NECTIN2: variants seen among roughly 807,000 people sequenced by gnomAD.
NECTIN2 encodes the protein nectin-2.
In NECTIN2, 23 loss-of-function variants were observed where a neutral mutation model predicts 56.9. The ratio of observed to expected loss-of-function variants is 0.40; its 90% CI spans 0.29 to 0.57. NECTIN2 has a LOEUF of 0.57. Among genes scored for constraint, NECTIN2 ranks in the 20% least tolerant of loss-of-function variants. NECTIN2 has a pLI of 0.38. For synonymous variants in NECTIN2, 302 were observed against 313.8 expected (o/e 0.96, Z 0.40); for missense variants, 587 against 718.3 (o/e 0.82, Z 2.09).
intron 6 of NECTIN2, 104 bp from the exon 7 acceptor site, chr19:44,885,832 AG>A: frequency 2.3e-6 from 2 of 881,262 alleles, no homozygotes; most frequent in Non-Finnish European, 3.8e-6. Context: ...AAAAGGGGGC[AG>A]GGGAAAGGGA....
chr19:44,862,242 G>A (rs1334422378), intron 1 of NECTIN2, among the ~76,000 whole-genome samples: 4 of 151,956 alleles, frequency 2.6e-5, no homozygotes, highest in Admixed American at 6.6e-5. Flanking sequence ...GTGAAACCCC[G>A]TCTCTACTAA....
At chr19:44,857,724 T>TTTA (rs1968984097) in intron 1 of NECTIN2, among the ~76,000 whole-genome samples, 2 of 149,648 alleles carry the variant, frequency 1.3e-5, no homozygotes, top group Non-Finnish European at 1.5e-5. Flanking sequence ...TTTTTTTTTT[T>TTTA]AAGAGATGAA....
chr19:44,851,789 C>T lies in NECTIN2; in HGVS notation c.88+5176C>T, dbSNP rs528567493. Among the ~76,000 whole-genome samples the T allele has an allele frequency of 3.3e-5, 5 of 152,380 alleles. No homozygotes were observed. The South Asian group carries it at 1.0e-3, about 32-fold the overall frequency. On this transcript the variant is annotated intron_variant, in intron 1 of 8. Coordinates refer to ENST00000252483, the MANE Select transcript of NECTIN2 (RefSeq NM_001042724.2). ...CCATGTCCTGGCCAAGTTCATGGCA[C>T]AGCCCCTGCCTAGCAGTGTGCTGGA...
intron 1 of NECTIN2, among the ~76,000 whole-genome samples, chr19:44,861,164 A>T (rs1969028234): frequency 6.6e-6 from 1 of 152,140 alleles, no homozygotes; most frequent in Non-Finnish European, 1.5e-5. Flanking sequence ...GCTGGCAAGG[A>T]TTTGGAGTAA....
chr19:44,871,778 C>T lies in NECTIN2; in HGVS notation c.479-75C>T. The T allele has an allele frequency of 3.3e-6, 5 of 1,506,542 alleles. No homozygotes were observed. The East Asian group carries it at 9.4e-5, about 28-fold the overall frequency. The allele number at this position is 1,506,542 out of a possible 1,614,324, so 93.3% of individuals were successfully genotyped here. On this transcript the variant is annotated intron_variant, in intron 2 of 8. Transcript: ENST00000252483. Reference sequence around the variant, plus strand: ...AACCCCGGCAGTTAGGGCCTAACCACCCTGCTCCTCTGCTGAGTGTTTGTT... The same window carrying T: ...AACCCCGGCAGTTAGGGCCTAACCATCCTGCTCCTCTGCTGAGTGTTTGTT...
rs908655399 is a variant in NECTIN2 at position 44,846,407 on chromosome 19, G to A, written c.-119G>A. 7.8e-7 allele frequency: 1 copy of A among 1,276,878 alleles called. No homozygotes were observed. Among genetic ancestry groups the A allele is most frequent in the African/African-American group, 1.6e-5 (1 of 62,810 alleles). The allele number at this position is 1,276,878 out of a possible 1,614,324, so 79.1% of individuals were successfully genotyped here. On this transcript the variant is annotated 5_prime_UTR_variant, in exon 1 of 9. Coordinates refer to ENST00000252483, the MANE Select transcript of NECTIN2 (RefSeq NM_001042724.2). ...GAACAGGGAGGCTAGAGCGCAGCGG[G>A]AACCGGCCCGGAGCCGGAGCCGGAG...
intron 1 of NECTIN2, among the ~76,000 whole-genome samples, chr19:44,850,243 G>T (rs556294505): frequency 2.6e-5 from 4 of 152,114 alleles, no homozygotes; most frequent in Non-Finnish European, 1.5e-5. Context: ...CCTGGGAATT[G>T]GAGACACAGA....
chr19:44,887,651 CA>C (rs949957723), intron 8 of NECTIN2, among the ~76,000 whole-genome samples: 16 of 149,776 alleles, frequency 1.1e-4, no homozygotes, highest in Middle Eastern at 3.4e-3. Context: ...GTCTCAACAA[CA>C]AAAAAAAACA....
chr19:44,856,175 C>A (rs1568587828), intron 1 of NECTIN2, among the ~76,000 whole-genome samples: 1 of 152,184 alleles, frequency 6.6e-6, no homozygotes, highest in Non-Finnish European at 1.5e-5. Context: ...GTGACATATG[C>A]CTGTAATCCC....
At position 44,846,580 on chromosome 19, in the gene NECTIN2, T is replaced by C; in HGVS notation, c.55T>C (p.Trp19Arg). The stretch of plus-strand genomic sequence containing the variant: ...GAGATCGCCGCCGACGCCGCTGCTG[T>C]GGCCGCTGCTGCTGCTGCTGCTCCT... ...PSRSPPTPLL[W>R]PLLLLLLLET... Residue 19 changes from tryptophan (W) to arginine (R), a missense_variant, in exon 1 of 9, where the codon TGG becomes CGG. By Grantham distance (101) the Trp-to-Arg change is moderately radical (BLOSUM62 -3). Coordinates refer to ENST00000252483, the MANE Select transcript of NECTIN2 (RefSeq NM_001042724.2). 6.6e-7 allele frequency: 1 copy of C among 1,525,292 alleles called. No homozygotes were observed. Among genetic ancestry groups the C allele is most frequent in the Non-Finnish European group, 8.8e-7 (1 of 1,142,854 alleles). 94.5% of individuals were successfully genotyped at this position (1,525,292 alleles called of 1,614,324 possible). A position where few individuals can be genotyped will look rare whatever the true frequency, so the allele number is the denominator to read the frequency against.
intron 5 of NECTIN2, chr19:44,879,047 C>T (rs557364824): frequency 8.4e-6 from 4 of 475,112 alleles, no homozygotes; most frequent in Admixed American, 5.7e-5. Flanking sequence ...TCCACGCCCC[C>T]GGGGAACGAG....
intron 6 of NECTIN2, among the ~76,000 whole-genome samples, chr19:44,882,642 A>G (rs1367820855): frequency 1.4e-5 from 2 of 143,126 alleles, no homozygotes; most frequent in African/African-American, 5.2e-5. Flanking sequence ...GTTTGAGCCC[A>G]GGAATTTGAG....
Position 44,886,118 on chromosome 19 carries a change from C to T in NECTIN2, c.1261-15C>T. The T allele has an allele frequency of 6.2e-7, 1 of 1,604,554 alleles. No individual in the cohort carries two copies. On this transcript the variant is annotated splice_polypyrimidine_tract_variant and intron_variant, in intron 7 of 8. Transcript: ENST00000252483. ...GGGGGCAGTTCCTGACCTCCCCGCC[C>T]CTCTCCCACTACAGCCCTCCCAGCT...
intron 6 of NECTIN2, among the ~76,000 whole-genome samples, chr19:44,884,993 CTTTTCTTTTT>C (rs1275504089): frequency 1.8e-4 from 27 of 151,946 alleles, no homozygotes; most frequent in African/African-American, 4.3e-4. Context: ...CTTTTCTTTT[CTTTTCTTTTT>C]TTTTCTTTTT....
At chr19:44,879,959 GGT>G (rs966983645) in intron 5 of NECTIN2, among the ~76,000 whole-genome samples, 28 of 152,248 alleles carry the variant, frequency 1.8e-4, no homozygotes, top group African/African-American at 6.3e-4. Flanking sequence ...TTAGGATGAA[GGT>G]GTGTGTGTGG....
Position 44,885,929 on chromosome 19 carries a change from C to T in NECTIN2, c.1197-8C>T, listed in dbSNP as rs537472714. The T allele has an allele frequency of 1.3e-5, 20 of 1,566,556 alleles. No individual in the cohort carries two copies. In the African/African-American group the frequency reaches 2.6e-4, roughly 20 times the overall value. On this transcript the variant is annotated splice_region_variant and splice_polypyrimidine_tract_variant and intron_variant, in intron 6 of 8. Transcript: ENST00000252483. ...TAATCTCCACTTGTCCTACCTCCTACCCCACAGCCTGGAGGGACCTCCCTC... is the reference window on the plus strand; with the variant it reads ...TAATCTCCACTTGTCCTACCTCCTATCCCACAGCCTGGAGGGACCTCCCTC...
At chr19:44,876,308 T>C (rs939698295) in intron 5 of NECTIN2, among the ~76,000 whole-genome samples, 4 of 130,192 alleles carry the variant, frequency 3.1e-5, no homozygotes, top group African/African-American at 1.2e-4. Context: ...CTACCCCAGA[T>C]ACACCTGACA....
rs565581717 is a variant in NECTIN2, at chr19:44,857,717, T to G, written c.89-7554T>G. Among the ~76,000 whole-genome samples the G allele has an allele frequency of 2.9e-3, 429 of 149,680 alleles. 4 individuals carry two copies. The highest frequency in any genetic ancestry group is 7.1e-3 in the African/African-American group (285 of 40,116). On this transcript the variant is annotated intron_variant, in intron 1 of 8. Coordinates refer to ENST00000252483, the MANE Select transcript of NECTIN2 (RefSeq NM_001042724.2). ...GTGCCGGGTTTTTGTTTTTGTTTTT[T>G]TTTTTTTAAGAGATGAAGTCTCACT...
chr19:44,852,952 A>AT (rs952844730), intron 1 of NECTIN2, among the ~76,000 whole-genome samples: 1 of 151,894 alleles, frequency 6.6e-6, no homozygotes, highest in Non-Finnish European at 1.5e-5. Flanking sequence ...ACAAAAAAAA[A>AT]TTTTTTTTAA....
Sources: gnomAD v4.1 joint callset for allele counts (sites outside exome capture counted in the v4.1 genomes callset) on GRCh38, gnomAD v4.1.1 for gene constraint, MANE v1.5 for transcripts, NCBI Gene and HGNC (gene_info 2026-07-23, HGNC 2026-07-21) for gene names.